The following ANXA1 variants were observed in gnomAD, a reference collection of about 807,000 sequenced individuals.
ANXA1 encodes annexin A1.
Under a neutral mutation model 47.9 loss-of-function variants are expected in ANXA1, and 39 were observed. That is an observed-to-expected ratio of 0.81 (90% CI 0.63 to 1.06). The LOEUF is 1.06. Ranked by LOEUF, ANXA1 falls within the 50% of genes least tolerant of loss-of-function variation. The pLI is 0.00. For synonymous variants in ANXA1, 146 were observed against 142.5 expected, an observed-to-expected ratio of 1.02 and a Z score of -0.17; for missense variants, 446 against 422.7, an observed-to-expected ratio of 1.06 and a Z score of -0.48.
rs573596748 is a variant in ANXA1, at chr9:73,165,235, A to G, written c.706+26A>G. 8.2e-6 allele frequency: 13 copies of G among 1,587,768 alleles called. No individual in the cohort carries two copies. In the South Asian group the frequency reaches 1.3e-4, roughly 16 times the overall value. ...GTAACAATAAATTTCTTTTTCTGGA[A>G]TCTGTTTATGGAAGATGCAATTTTC... is the stretch of plus-strand genomic sequence containing the variant. On this transcript the variant is annotated intron_variant, in intron 9 of 12. Transcript: ENST00000257497.
chr9:73,165,926 C>T (rs903982222), intron 9 of ANXA1, among the ~76,000 whole-genome samples, 171 bp from the exon 10 acceptor site: 1 of 152,022 alleles, frequency 6.6e-6, no homozygotes, highest in Non-Finnish European at 1.5e-5. Context: ...AAGTTACATT[C>T]CTAGGAGAGG....
intron 1 of ANXA1, among the ~76,000 whole-genome samples, chr9:73,153,961 T>G (rs1824008458): frequency 6.6e-6 from 1 of 152,110 alleles, no homozygotes; most frequent in African/African-American, 2.4e-5. Context: ...CCGAATCCAG[T>G]GCTGAGGAAC....
Position 73,169,059 on chromosome 9 carries a change from A to G in ANXA1, c.889A>G (p.Ile297Val). 3.1e-6 allele frequency: 5 copies of G among 1,613,024 alleles called. No homozygotes were observed. Residue 297 changes from isoleucine (I) to valine (V), a missense_variant, in exon 12 of 13, where the codon ATC (isoleucine) becomes GTC (valine). Coordinates refer to ENST00000257497, the MANE Select transcript of ANXA1 (RefSeq NM_000700.3). Reference sequence around the variant, plus strand: ...TGTTGGAACTCGCCATAAGGCATTGATCAGGATTATGGTTTCCCGTTCTGA... The same window carrying G: ...TGTTGGAACTCGCCATAAGGCATTGGTCAGGATTATGGTTTCCCGTTCTGA... ...KGVGTRHKAL[I>V]RIMVSRSEID...
At position 73,159,402 on chromosome 9, in the gene ANXA1, A is replaced by C. The variant is rs771311606; in HGVS notation, c.249A>C (p.Ala83=). The change falls in exon 4 of 13, where the codon GCA becomes GCC. Residue 83 remains alanine, a synonymous_variant. Transcript: ENST00000257497. The part of the protein sequence containing the change: ...NNAQRQQIKA[A]YLQETGKPLD... ...CACAGCGTCAACAGATCAAAGCAGC[A>C]TATCTCCAGGAAACAGGAAAGGTAA... The C allele has an allele frequency of 1.2e-6, 2 of 1,613,012 alleles. No homozygotes were observed. Among genetic ancestry groups the C allele is most frequent in the African/African-American group, 2.7e-5 (2 of 74,884 alleles).
rs780840031 is a variant in ANXA1 at position 73,170,038 on chromosome 9, T to G, written c.985-13T>G. On this transcript the variant is annotated splice_polypyrimidine_tract_variant and intron_variant, in intron 12 of 12. Coordinates refer to ENST00000257497, the MANE Select transcript of ANXA1 (RefSeq NM_000700.3). ...TCGACTAACATTAAGTATACCTTTT[T>G]TTGAATCAACAGGATGAAACCAAAG... is the stretch of plus-strand genomic sequence containing the variant. 1 of 1,595,854 alleles carries G rather than the reference T, an allele frequency of 6.3e-7. No homozygotes were observed. Among genetic ancestry groups the G allele is most frequent in the Non-Finnish European group, 8.5e-7 (1 of 1,171,804 alleles).
chr9:73,160,051 T>C (rs1824111726), intron 4 of ANXA1, among the ~76,000 whole-genome samples: 1 of 152,296 alleles, frequency 6.6e-6, no homozygotes, highest in Admixed American at 6.5e-5. Context: ...TATTGATGAA[T>C]TCAGTAAATT....
intron 9 of ANXA1, chr9:73,165,463 T>G (rs2118168224): frequency 3.6e-6 from 1 of 274,794 alleles, no homozygotes; most frequent in African/African-American, 2.3e-5. Context: ...TTTACTCCCC[T>G]AAAAGATTTG....
intron 9 of ANXA1, among the ~76,000 whole-genome samples, chr9:73,165,783 G>C (rs78368817): frequency 2.0e-5 from 3 of 152,044 alleles, no homozygotes; most frequent in Non-Finnish European, 4.4e-5. Flanking sequence ...TTATATAAGG[G>C]AAGATCCATT....
chr9:73,163,641 G>A (rs1304042397), intron 8 of ANXA1, 109 bp downstream of exon 8: 47 of 1,063,298 alleles, frequency 4.4e-5, no homozygotes, highest in Non-Finnish European at 6.3e-5. Context: ...GAGACCAATG[G>A]CTTCTTAATG....
At chr9:73,158,626 T>C (rs1317876256) in intron 2 of ANXA1, 25 bp downstream of exon 2, 15 of 1,610,166 alleles carry the variant, frequency 9.3e-6, no homozygotes, top group African/African-American at 1.3e-5. Context: ...AATAAAATTA[T>C]GATTACAATA....
At chr9:73,157,978 A>G (rs1383060826) in intron 1 of ANXA1, 2 of 152,466 alleles carry the variant, frequency 1.3e-5, no homozygotes, top group African/African-American at 4.8e-5. Context: ...TCTGCTTCCC[A>G]AATATGACAA....
chr9:73,153,041 GC>G (rs1472460973), intron 1 of ANXA1, among the ~76,000 whole-genome samples: 2 of 152,130 alleles, frequency 1.3e-5, no homozygotes, highest in Non-Finnish European at 2.9e-5. Context: ...AATGCACATT[GC>G]AAATGACTCA....
chr9:73,164,262 A>G lies in ANXA1; in HGVS notation c.612+730A>G, dbSNP rs544102171. ...GCTATACCAGTACATTATCATGTACATAATAGGCACTCATGAACTTTTTGT... is the reference window on the plus strand; with the variant it reads ...GCTATACCAGTACATTATCATGTACGTAATAGGCACTCATGAACTTTTTGT... On this transcript the variant is annotated intron_variant, in intron 8 of 12. Transcript: ENST00000257497. Among the ~76,000 whole-genome samples the G allele has an allele frequency of 7.2e-5, 11 of 152,318 alleles. 1 individual carries two copies. The South Asian group carries it at 2.1e-3, about 29-fold the overall frequency.
At chr9:73,168,096 C>A (rs1824262306) in intron 11 of ANXA1, 1 of 152,090 alleles carries the variant, frequency 6.6e-6, no homozygotes, top group Admixed American at 6.6e-5. Flanking sequence ...ACATTTTGAG[C>A]CCACAAATGA....
chr9:73,167,440 T>C (rs1206800653), intron 10 of ANXA1, 57 bp from the exon 11 acceptor site: 2 of 1,496,536 alleles, frequency 1.3e-6, no homozygotes, highest in African/African-American at 1.4e-5. Context: ...TTCTTTCATA[T>C]GGATATTTCA....
chr9:73,155,726 T>C (rs1040449631), intron 1 of ANXA1, among the ~76,000 whole-genome samples: 2 of 152,162 alleles, frequency 1.3e-5, no homozygotes, highest in South Asian at 4.1e-4. Context: ...AAATTCTCTA[T>C]TGGTTGCTTT....
At chr9:73,155,771 A>G (rs1824036424) in intron 1 of ANXA1, among the ~76,000 whole-genome samples, 1 of 152,244 alleles carries the variant, frequency 6.6e-6, no homozygotes, top group South Asian at 2.1e-4. Flanking sequence ...CTATCCAAAT[A>G]CTTCAGGCTA....
In ANXA1 at chr9:73,169,071, G is replaced by T; in HGVS notation, c.901G>T (p.Val301Phe). 6.2e-7 allele frequency: 1 copy of T among 1,613,344 alleles called. No homozygotes were observed. Among genetic ancestry groups the T allele is most frequent in the Non-Finnish European group, 8.5e-7 (1 of 1,179,550 alleles). ...TRHKALIRIM[V>F]SRSEIDMNDI... ...CCATAAGGCATTGATCAGGATTATGGTTTCCCGTTCTGAAATTGACATGAA... is the reference window on the plus strand; with the variant it reads ...CCATAAGGCATTGATCAGGATTATGTTTTCCCGTTCTGAAATTGACATGAA... Residue 301 changes from valine to phenylalanine, a missense_variant, in exon 12 of 13, where the codon GTT becomes TTT. Val to Phe is a conservative substitution (Grantham distance 50). Coordinates refer to ENST00000257497, the MANE Select transcript of ANXA1 (RefSeq NM_000700.3).
Position 73,170,211 on chromosome 9 carries a change from C to A in ANXA1, c.*104C>A. 1.2e-6 allele frequency: 1 copy of A among 826,184 alleles called. No homozygotes were observed. The highest frequency in any genetic ancestry group is 1.8e-6 in the Non-Finnish European group (1 of 542,272). 51.2% of individuals were successfully genotyped at this position (826,184 alleles called of 1,614,324 possible). A position where few individuals can be genotyped will look rare whatever the true frequency, so the allele number is the denominator to read the frequency against. ...TTTCTTCAACAGGATTACAGTGTAGCTACCTACATGCTGAAAAATATAGCC... is the reference window on the plus strand; with the variant it reads ...TTTCTTCAACAGGATTACAGTGTAGATACCTACATGCTGAAAAATATAGCC... On this transcript the variant is annotated 3_prime_UTR_variant, in exon 13 of 13. Coordinates refer to ENST00000257497, the MANE Select transcript of ANXA1 (RefSeq NM_000700.3).
Sources: allele counts gnomAD v4.1 joint callset (sites outside exome capture counted in the v4.1 genomes callset), GRCh38; gene constraint gnomAD v4.1.1; transcripts MANE v1.5; gene names NCBI Gene and HGNC (gene_info 2026-07-23, HGNC 2026-07-21).